TENM3: variants seen among roughly 807,000 people sequenced by gnomAD.
TENM3 encodes teneurin transmembrane protein 3, also known as teneurin-3.
In TENM3, 63 loss-of-function variants were observed where a neutral mutation model predicts 255.1. The observed-to-expected ratio is 0.25, with a 90% CI of 0.20 to 0.30. TENM3 has a LOEUF of 0.30. Among genes scored for constraint, TENM3 ranks in the 10% least tolerant of loss-of-function variants. TENM3 has a pLI of 1.00. For synonymous variants in TENM3, 1,306 were observed against 1,322.3 expected (o/e 0.99, Z 0.27); for missense variants, 2,929 against 3,461.1 (o/e 0.85, Z 3.86).
the TENM3 span, among the ~76,000 whole-genome samples, chr4:182,089,808 T>C: frequency 1.3e-5 from 2 of 152,252 alleles, no homozygotes; most frequent in Non-Finnish European, 2.9e-5. Context: ...TCACTGTTTT[T>C]CTATTTATTA....
At chr4:182,224,063 A>G in intron 1 of TENM3, among the ~76,000 whole-genome samples, 1 of 152,216 alleles carries the variant, frequency 6.6e-6, no homozygotes, top group South Asian at 2.1e-4. Flanking sequence ...TGTACCCCAC[A>G]ATATATATTA....
the TENM3 span, among the ~76,000 whole-genome samples, chr4:181,786,740 A>G: frequency 1.2e-4 from 18 of 150,996 alleles, no homozygotes; most frequent in Non-Finnish European, 2.5e-4. Flanking sequence ...ATGATCAGAT[A>G]GGAAAATTCC....
chr4:181,886,772 G>C, the TENM3 span, among the ~76,000 whole-genome samples: 1 of 151,988 alleles, frequency 6.6e-6, no homozygotes, highest in Non-Finnish European at 1.5e-5. Flanking sequence ...ATTGTTACTG[G>C]TTTAATTTTG....
the TENM3 span, among the ~76,000 whole-genome samples, chr4:181,516,464 T>C: frequency 6.6e-6 from 1 of 151,114 alleles, no homozygotes; most frequent in Non-Finnish European, 1.5e-5. Context: ...AAGAGCTAGA[T>C]ACTTAGTCCC....
At chr4:181,983,556 G>T in the TENM3 span, among the ~76,000 whole-genome samples, 1 of 152,060 alleles carries the variant, frequency 6.6e-6, no homozygotes, top group Non-Finnish European at 1.5e-5. Flanking sequence ...ACCTAGGCTT[G>T]CTAAGTCTTA....
chr4:181,568,866 G>A, the TENM3 span, among the ~76,000 whole-genome samples: 1 of 152,136 alleles, frequency 6.6e-6, no homozygotes, highest in Non-Finnish European at 1.5e-5. Flanking sequence ...CACCTATAAA[G>A]TTGTAATCCT....
intron 6 of TENM3, among the ~76,000 whole-genome samples, chr4:182,667,764 CATCACACACCGGG>C (rs1754826852): frequency 6.9e-6 from 1 of 145,490 alleles, no homozygotes; most frequent in South Asian, 2.3e-4. Flanking sequence ...GGAAGGGGAA[CATCACACACCGGG>C]GTCACACACC....
chr4:181,831,132 G>T, the TENM3 span, among the ~76,000 whole-genome samples: 1 of 151,860 alleles, frequency 6.6e-6, no homozygotes, highest in African/African-American at 2.4e-5. Flanking sequence ...TTTTCATTTT[G>T]TATATTGTTT....
chr4:182,527,691 A>T (rs1332806192), intron 3 of TENM3, among the ~76,000 whole-genome samples: 1 of 151,922 alleles, frequency 6.6e-6, no homozygotes. Flanking sequence ...GTAAATAAGG[A>T]GTTAAGTCAA....
At chr4:181,488,930 C>A in the TENM3 span, among the ~76,000 whole-genome samples, 1 of 152,144 alleles carries the variant, frequency 6.6e-6, no homozygotes, top group South Asian at 2.1e-4. Context: ...TCTGCCTATA[C>A]TGGGCAGAAA....
chr4:181,992,614 CA>C, the TENM3 span, among the ~76,000 whole-genome samples: 1 of 152,060 alleles, frequency 6.6e-6, no homozygotes. Flanking sequence ...CTGAAAAAGA[CA>C]GGAATTATGG....
intron 3 of TENM3, among the ~76,000 whole-genome samples, chr4:182,481,032 A>T (rs1164454588): frequency 6.6e-6 from 1 of 151,292 alleles, no homozygotes; most frequent in Non-Finnish European, 1.5e-5. Context: ...TTCTTTTTTA[A>T]TATAATCCTC....
At chr4:181,794,073 C>T in the TENM3 span, among the ~76,000 whole-genome samples, 1 of 152,084 alleles carries the variant, frequency 6.6e-6, no homozygotes, top group Non-Finnish European at 1.5e-5. Context: ...TTTATCACTC[C>T]ACTCCCTTTC....
At chr4:182,147,156 T>C (rs1480608355) in intron 1 of TENM3, among the ~76,000 whole-genome samples, 1 of 152,000 alleles carries the variant, frequency 6.6e-6, no homozygotes, top group Non-Finnish European at 1.5e-5. Context: ...GAGCCAAGAG[T>C]AATTATTCTG....
At chr4:181,904,178 G>A in the TENM3 span, among the ~76,000 whole-genome samples, 1 of 152,094 alleles carries the variant, frequency 6.6e-6, no homozygotes, top group East Asian at 1.9e-4. Context: ...CGATCTGACT[G>A]TTTCACATCC....
chr4:182,037,871 A>G, the TENM3 span, among the ~76,000 whole-genome samples: 1 of 151,888 alleles, frequency 6.6e-6, no homozygotes, highest in African/African-American at 2.4e-5. Context: ...CCTCTTTGTC[A>G]CCCAGGCTGG....
intron 3 of TENM3, among the ~76,000 whole-genome samples, chr4:182,466,765 G>A (rs919081064): frequency 7.9e-5 from 12 of 151,830 alleles, no homozygotes; most frequent in East Asian, 5.8e-4. Context: ...CTTCTTGGTG[G>A]CCATGAATTT....
At chr4:182,049,823 G>C in the TENM3 span, among the ~76,000 whole-genome samples, 2 of 152,060 alleles carry the variant, frequency 1.3e-5, no homozygotes, top group Non-Finnish European at 2.9e-5. Flanking sequence ...AATATCTCTT[G>C]GGGAGTATCA....
intron 3 of TENM3, among the ~76,000 whole-genome samples, chr4:182,431,483 C>A (rs1281161266): frequency 6.6e-6 from 1 of 152,072 alleles, no homozygotes; most frequent in Non-Finnish European, 1.5e-5. Context: ...CAAAGCGAGA[C>A]TCCCTCTCAA....
Sources: gnomAD v4.1 joint callset for allele counts (sites outside exome capture counted in the v4.1 genomes callset) on GRCh38, gnomAD v4.1.1 for gene constraint, MANE v1.5 for transcripts, NCBI Gene and HGNC (gene_info 2026-07-23, HGNC 2026-07-21) for gene names.